Variants in SBNO1 observed in about 807,000 individuals in gnomAD.
SBNO1 encodes strawberry notch homolog 1.
SBNO1 carries 23 observed loss-of-function variants against 173.6 expected under a neutral mutation model. That is an observed-to-expected ratio of 0.13 (90% confidence interval 0.10 to 0.19). The LOEUF (loss-of-function observed/expected upper bound fraction) is 0.19, where lower values mean the gene tolerates loss of function less well. Ranked by LOEUF, SBNO1 falls within the 10% of genes least tolerant of loss-of-function variation. SBNO1 has a pLI of 1.00. For missense variants in SBNO1, 1,238 were observed against 1,671.2 expected, an observed-to-expected ratio of 0.74 and a Z score of 4.52; for synonymous variants, 632 against 571.5, an observed-to-expected ratio of 1.11 and a Z score of -1.51.
intron 1 of SBNO1, among the ~76,000 whole-genome samples, chr12:123,357,679 C>T (rs186122507): frequency 2.6e-5 from 4 of 152,230 alleles, no homozygotes; most frequent in East Asian, 1.9e-4. Context: ...AGCTTGAACC[C>T]GGAAAGTGGA....
At chr12:123,332,597 C>CT (rs1404932721) in intron 7 of SBNO1, among the ~76,000 whole-genome samples, 3 of 151,448 alleles carry the variant, frequency 2.0e-5, no homozygotes, top group African/African-American at 7.3e-5. Context: ...GACAGAGTCT[C>CT]ACTCTGTCGT....
At chr12:123,356,935 A>G (rs949377117) in intron 1 of SBNO1, among the ~76,000 whole-genome samples, 1 of 152,174 alleles carries the variant, frequency 6.6e-6, no homozygotes, top group Non-Finnish European at 1.5e-5. Context: ...TAGAGTGCTA[A>G]GCATGTCTGA....
chr12:123,296,974 A>G (rs2048618510), intron 31 of SBNO1, among the ~76,000 whole-genome samples: 1 of 152,030 alleles, frequency 6.6e-6, no homozygotes, highest in Non-Finnish European at 1.5e-5. Flanking sequence ...TGGGATTACA[A>G]GGTGAACTAC....
At chr12:123,318,470 C>T (rs185925490) in intron 20 of SBNO1, among the ~76,000 whole-genome samples, 3 of 151,902 alleles carry the variant, frequency 2.0e-5, no homozygotes, top group Non-Finnish European at 2.9e-5. Context: ...CAGTAGCTCA[C>T]GCCTATAATC....
chr12:123,324,601 C>T (rs899438915), intron 15 of SBNO1, among the ~76,000 whole-genome samples: 4 of 151,490 alleles, frequency 2.6e-5, no homozygotes, highest in African/African-American at 4.9e-5. Flanking sequence ...GGATTACAGG[C>T]GTGAGCCCCA....
At chr12:123,320,969 C>T (rs1418788001) in intron 17 of SBNO1, 103 bp from the exon 18 acceptor site, 8 of 978,852 alleles carry the variant, frequency 8.2e-6, no homozygotes, top group South Asian at 3.5e-5. Context: ...GACAATGTTT[C>T]GCTGTTGTAG....
chr12:123,356,125 A>C (rs184548124), intron 1 of SBNO1, among the ~76,000 whole-genome samples: 270 of 152,268 alleles, frequency 1.8e-3, no homozygotes, highest in African/African-American at 6.2e-3. Context: ...GTCGGACAAA[A>C]TACCTAGGTT....
chr12:123,318,638 C>T (rs530588226), intron 20 of SBNO1, among the ~76,000 whole-genome samples: 1 of 151,030 alleles, frequency 6.6e-6, no homozygotes, highest in East Asian at 2.0e-4. Context: ...GAGGCTGAGG[C>T]ACAAGAATCA....
intron 9 of SBNO1, among the ~76,000 whole-genome samples, chr12:123,329,869 A>G (rs1871012595): frequency 6.6e-6 from 1 of 152,218 alleles, no homozygotes; most frequent in Non-Finnish European, 1.5e-5. Flanking sequence ...TAGTAAGTCA[A>G]TAAAGATTTG....
chr12:123,325,892 C>A (rs1442738905), intron 14 of SBNO1, among the ~76,000 whole-genome samples: 7 of 152,130 alleles, frequency 4.6e-5, no homozygotes, highest in Admixed American at 4.6e-4. Context: ...AAAGAAAAAA[C>A]CTTAACGCAA....
rs753940987 is a variant in SBNO1 at position 123,350,291 on chromosome 12, G to A, written c.132+19C>T. The A allele has an allele frequency of 1.2e-6, 2 of 1,611,578 alleles. No individual in the cohort carries two copies. The highest frequency in any genetic ancestry group is 1.7e-6 in the Non-Finnish European group (2 of 1,179,208). On this transcript the variant is annotated intron_variant, in intron 2 of 31. Transcript: ENST00000602398. The stretch of plus-strand genomic sequence containing the variant: ...TAAGCGGAAATCACTAAGAAAGAGA[G>A]GCTTTGGAAAACTCTTACCTGCTGA...
At chr12:123,322,563 C>G (rs1447988882) in intron 16 of SBNO1, among the ~76,000 whole-genome samples, 1 of 151,406 alleles carries the variant, frequency 6.6e-6, no homozygotes, top group African/African-American at 2.4e-5. Context: ...TCCCAAAAAG[C>G]TGGGATTACA....
chr12:123,307,908 C>T (rs552347261), intron 28 of SBNO1, among the ~76,000 whole-genome samples: 30 of 152,212 alleles, frequency 2.0e-4, no homozygotes, highest in Admixed American at 1.1e-3. Flanking sequence ...CCTGTCTCTA[C>T]TAAAAATAAG....
Position 123,345,288 on chromosome 12 carries a change from TAGC to T in SBNO1, c.517_519del (p.Ala173del). The T allele has an allele frequency of 6.2e-7, 1 of 1,614,166 alleles. No individual in the cohort carries two copies. On this transcript the variant is annotated inframe_deletion, in exon 4 of 32. Transcript: ENST00000602398. ...GCTGTTGCTACTGGCTGAGCAATAT[TAGC>T]AGGTGGCTTTAGTTTCATCAGTTCA...
At chr12:123,360,506 G>A (rs1215976498) in intron 1 of SBNO1, among the ~76,000 whole-genome samples, 2 of 151,846 alleles carry the variant, frequency 1.3e-5, no homozygotes, top group South Asian at 2.1e-4. Context: ...GTGCAGTGGC[G>A]CAATCTCGGC....
chr12:123,361,729 T>TTAA (rs1555253267), intron 1 of SBNO1, among the ~76,000 whole-genome samples: 3 of 133,764 alleles, frequency 2.2e-5, no homozygotes, highest in Non-Finnish European at 4.7e-5. Flanking sequence ...CAAGACAGTC[T>TTAA]AAAAAAAAAA....
At position 123,295,896 on chromosome 12, in the gene SBNO1, CCTGT is replaced by C; in HGVS notation, c.*8_*11del. On this transcript the variant is annotated 3_prime_UTR_variant, in exon 32 of 32. Coordinates refer to ENST00000602398, the MANE Select transcript of SBNO1 (RefSeq NM_001167856.3). The stretch of plus-strand genomic sequence containing the variant: ...CATTTCAGATCCATCCATGTTGAAA[CCTGT>C]CTGTTCTTCATGCGTTGCTCAAGTT... The C allele has an allele frequency of 1.9e-6, 3 of 1,612,356 alleles. No homozygotes were observed. Among genetic ancestry groups the C allele is most frequent in the Non-Finnish European group, 2.5e-6 (3 of 1,178,884 alleles).
At chr12:123,342,519 G>T (rs534114962) in intron 4 of SBNO1, among the ~76,000 whole-genome samples, 1 of 152,162 alleles carries the variant, frequency 6.6e-6, no homozygotes, top group Non-Finnish European at 1.5e-5. Context: ...ATGTGATCTG[G>T]TGGTACTTAC....
intron 17 of SBNO1, among the ~76,000 whole-genome samples, chr12:123,321,179 T>A (rs951877873): frequency 6.6e-6 from 1 of 152,152 alleles, no homozygotes; most frequent in Non-Finnish European, 1.5e-5. Context: ...CCTCAGGTGA[T>A]CCACCCACCT....
Sources: allele counts gnomAD v4.1 joint callset (sites outside exome capture counted in the v4.1 genomes callset), GRCh38; gene constraint gnomAD v4.1.1; transcripts MANE v1.5; gene names NCBI Gene and HGNC (gene_info 2026-07-23, HGNC 2026-07-21).